The following CHAMP1 variants were observed in gnomAD, a reference collection of about 807,000 sequenced individuals.
The protein encoded by CHAMP1 is chromosome alignment-maintaining phosphoprotein 1.
Under a neutral mutation model 54.5 loss-of-function variants are expected in CHAMP1, and 4 were observed. The ratio of observed to expected loss-of-function variants is 0.07; its 90% CI spans 0.04 to 0.17. CHAMP1 has a LOEUF of 0.17. Among genes scored for constraint, CHAMP1 ranks in the 10% least tolerant of loss-of-function variants. CHAMP1 has a pLI of 1.00. For synonymous variants in CHAMP1, 368 were observed against 342.2 expected, an observed-to-expected ratio of 1.08 and a Z score of -0.83; for missense variants, 994 against 968.6, an observed-to-expected ratio of 1.03 and a Z score of -0.35.
rs530792654 is a variant in CHAMP1 at position 114,323,686 on chromosome 13, C to A, written c.-55-102C>A. On this transcript the variant is annotated intron_variant, in intron 2 of 2. Transcript: ENST00000361283. ...CCTAGAGATACTATCAAATAAAGCA[C>A]GCACTGTTCTAGACTTAAAATTATG... The A allele has an allele frequency of 6.5e-6, 6 of 917,276 alleles. No homozygotes were observed. In the East Asian group the frequency reaches 1.3e-4, roughly 21 times the overall value. 56.8% of individuals were successfully genotyped at this position (917,276 alleles called of 1,614,324 possible).
At chr13:114,322,907 T>C (rs572066289) in intron 2 of CHAMP1, 2 of 152,370 alleles carry the variant, frequency 1.3e-5, no homozygotes, top group South Asian at 2.1e-4. Context: ...TGTTTTTAAC[T>C]GTGAGCTTCT....
In CHAMP1 at chr13:114,325,309, G is replaced by T. The variant is rs1555379775; in HGVS notation, c.1467G>T (p.Gln489His). ...LWKSSFFIEP[Q>H]KPVFPETRKP... The stretch of plus-strand genomic sequence containing the variant: ...AGTCTTCCTTTTTTATTGAGCCTCA[G>T]AAACCTGTCTTCCCTGAGACCCGAA... Residue 489 changes from glutamine to histidine, a missense_variant, in exon 3 of 3, where the codon CAG becomes CAT. Around this residue, in one of 3 missense-constraint regions of CHAMP1, gnomAD observed 851 missense variants for 701.3 expected, o/e 1.21. Coordinates refer to ENST00000361283, the MANE Select transcript of CHAMP1 (RefSeq NM_032436.4). 1 of 1,614,128 alleles carries T rather than the reference G, an allele frequency of 6.2e-7. No individual in the cohort carries two copies. The highest frequency in any genetic ancestry group is 8.5e-7 in the Non-Finnish European group (1 of 1,180,026).
rs1594130707 is a variant in CHAMP1, at chr13:114,325,078, T to C, written c.1236T>C (p.Val412=). ...PTLSPEHWKA[V]PPVSPELRKP... ...TGTCTCCTGAACATTGGAAGGCAGT[T>C]CCCCCAGTGTCTCCAGAGCTTCGCA... Residue 412 remains valine (V), a synonymous_variant, in exon 3 of 3, where the codon GTT becomes GTC. Coordinates refer to ENST00000361283, the MANE Select transcript of CHAMP1 (RefSeq NM_032436.4). 2 of 1,613,982 alleles carry C rather than the reference T, an allele frequency of 1.2e-6. No homozygotes were observed. The highest frequency in any genetic ancestry group is 2.2e-5 in the East Asian group (1 of 44,880).
rs2139404019 is a variant in CHAMP1 at position 114,314,570 on chromosome 13, G to A, written c.-252G>A. 6.6e-6 allele frequency: 1 copy of A among 151,864 alleles called. No individual in the cohort carries two copies. Among genetic ancestry groups the A allele is most frequent in the African/African-American group, 2.4e-5 (1 of 41,496 alleles). 9.4% of individuals were successfully genotyped at this position (151,864 alleles called of 1,614,324 possible). On this transcript the variant is annotated 5_prime_UTR_variant, in exon 1 of 3. Coordinates refer to ENST00000361283, the MANE Select transcript of CHAMP1 (RefSeq NM_032436.4). ...AGGCCGCTGCGCTGCAGGGCCTCGC[G>A]GAGCCGCCCGCGACCGCGAGCCGGG...
rs2139419629 is a variant in CHAMP1, at chr13:114,324,725, G to C, written c.883G>C (p.Ala295Pro). 1.9e-6 allele frequency: 3 copies of C among 1,613,760 alleles called. No individual in the cohort carries two copies. Among genetic ancestry groups the C allele is most frequent in the South Asian group, 2.2e-5 (2 of 91,072 alleles). The change falls in exon 3 of 3, where the codon GCT (alanine) becomes CCT (proline). Residue 295 changes from alanine to proline, a missense_variant. Physicochemically the swap from Ala to Pro is conservative, Grantham distance 27. Around this residue, in one of 3 missense-constraint regions of CHAMP1, gnomAD observed 851 missense variants for 701.3 expected, o/e 1.21. Coordinates refer to ENST00000361283, the MANE Select transcript of CHAMP1 (RefSeq NM_032436.4). Reference sequence around the variant, plus strand: ...TCCTGAACCTTGGAAGCCGTTCCCTGCTGTCTCCCCAGAGCCTAGGAGACC... The same window carrying C: ...TCCTGAACCTTGGAAGCCGTTCCCTCCTGTCTCCCCAGAGCCTAGGAGACC... ...ESPEPWKPFP[A>P]VSPEPRRPAP...
chr13:114,315,334 G>T (rs558918235), intron 1 of CHAMP1, among the ~76,000 whole-genome samples: 1 of 152,282 alleles, frequency 6.6e-6, no homozygotes, highest in South Asian at 2.1e-4. Flanking sequence ...AAGTAGGGTG[G>T]TGCAGCAGCT....
At position 114,324,254 on chromosome 13, in the gene CHAMP1, G is replaced by C. The variant is rs781891460; in HGVS notation, c.412G>C (p.Gly138Arg). ...CCTTTCAATGGAAACACAGAAACTT[G>C]GTTCAGTTTTGTCTCCAGAATCGCC... ...PALSMETQKL[G>R]SVLSPESPKP... is the part of the protein sequence containing the mutation. Residue 138 changes from glycine (G) to arginine (R), a missense_variant, in exon 3 of 3, where the codon GGT becomes CGT. By Grantham distance (125) the Gly-to-Arg change is moderately radical. Transcript: ENST00000361283. 10 of 1,614,090 alleles carry C rather than the reference G, an allele frequency of 6.2e-6. No homozygotes were observed. The highest frequency in any genetic ancestry group is 2.2e-5 in the East Asian group (1 of 44,880).
At position 114,324,901 on chromosome 13, in the gene CHAMP1, T is replaced by C; in HGVS notation, c.1059T>C (p.Ser353=). The change falls in exon 3 of 3, where the codon TCT becomes TCC. Residue 353 remains serine (S), a synonymous_variant. Transcript: ENST00000361283. ...VSPGPWKPIP[S]VSPGPWKPTP... ...CTGGACCTTGGAAACCAATTCCTTC[T>C]GTATCTCCTGGACCTTGGAAACCAA... 1 of 1,614,200 alleles carries C rather than the reference T, an allele frequency of 6.2e-7. No individual in the cohort carries two copies. The highest frequency in any genetic ancestry group is 8.5e-7 in the Non-Finnish European group (1 of 1,180,024).
chr13:114,325,197 C>G lies in CHAMP1; in HGVS notation c.1355C>G (p.Ser452Cys). The change falls in exon 3 of 3, where the codon TCT becomes TGT. Residue 452 changes from serine to cysteine, a missense_variant. Around this residue, in one of 3 missense-constraint regions of CHAMP1, gnomAD observed 851 missense variants for 701.3 expected, o/e 1.21. Coordinates refer to ENST00000361283, the MANE Select transcript of CHAMP1 (RefSeq NM_032436.4). ...GGGTCACCAGATCTTTGGAAGCTTT[C>G]TCCTGATCAGCGGAAAACTTCTCCT... is the stretch of plus-strand genomic sequence containing the variant. ...PSGSPDLWKL[S>C]PDQRKTSPAS... is the part of the protein sequence containing the mutation. 1 of 1,614,192 alleles carries G rather than the reference C, an allele frequency of 6.2e-7. No individual in the cohort carries two copies. Among genetic ancestry groups the G allele is most frequent in the Non-Finnish European group, 8.5e-7 (1 of 1,180,034 alleles).
intron 1 of CHAMP1, among the ~76,000 whole-genome samples, chr13:114,319,144 A>G (rs1239017558): frequency 2.0e-5 from 3 of 152,184 alleles, no homozygotes; most frequent in Admixed American, 6.5e-5. Context: ...GAACCTGGAC[A>G]GATAGCAGAA....
chr13:114,324,819 A>T lies in CHAMP1; in HGVS notation c.977A>T (p.Asn326Ile). The T allele has an allele frequency of 1.2e-6, 2 of 1,613,976 alleles. No individual in the cohort carries two copies. Among genetic ancestry groups the T allele is most frequent in the East Asian group, 4.5e-5 (2 of 44,878 alleles). The change falls in exon 3 of 3, where the codon AAT (asparagine) becomes ATT (isoleucine). Residue 326 changes from asparagine to isoleucine, a missense_variant. Coordinates refer to ENST00000361283, the MANE Select transcript of CHAMP1 (RefSeq NM_032436.4). ...GGGTCCCCTAGGCCTTGGAAATCCAATCCTTCAGCATCATCAGGACCTTGG... is the reference window on the plus strand; with the variant it reads ...GGGTCCCCTAGGCCTTGGAAATCCATTCCTTCAGCATCATCAGGACCTTGG... ...PPGSPRPWKSNPSASSGPWKP... is the reference protein window; with the variant it reads ...PPGSPRPWKSIPSASSGPWKP...
intron 1 of CHAMP1, among the ~76,000 whole-genome samples, chr13:114,315,220 A>G (rs2139405058): frequency 6.6e-6 from 1 of 152,274 alleles, no homozygotes; most frequent in African/African-American, 2.4e-5. Context: ...GAAAACCACA[A>G]TGAGATACCA....
chr13:114,321,670 C>A (rs1327131705), intron 2 of CHAMP1, among the ~76,000 whole-genome samples: 4 of 152,162 alleles, frequency 2.6e-5, no homozygotes, highest in African/African-American at 9.7e-5. Flanking sequence ...CTAAAGTCTT[C>A]TAGTTTTATT....
chr13:114,320,788 C>G (rs1469109159), intron 1 of CHAMP1, among the ~76,000 whole-genome samples: 3 of 152,082 alleles, frequency 2.0e-5, no homozygotes, highest in Admixed American at 1.3e-4. Flanking sequence ...AACCCCGTCT[C>G]TACTAAAAAT....
intron 2 of CHAMP1, chr13:114,323,323 T>C (rs917188363): frequency 6.6e-6 from 1 of 152,502 alleles, no homozygotes; most frequent in African/African-American, 2.4e-5. Context: ...ATTTATTAAG[T>C]GCTTTCTGCA....
chr13:114,325,484 C>A lies in CHAMP1; in HGVS notation c.1642C>A (p.Arg548Ser). 6.2e-7 allele frequency: 1 copy of A among 1,614,162 alleles called. No homozygotes were observed. Among genetic ancestry groups the A allele is most frequent in the Non-Finnish European group, 8.5e-7 (1 of 1,180,042 alleles). Residue 548 changes from arginine (R) to serine (S), a missense_variant, in exon 3 of 3, where the codon CGT becomes AGT. Transcript: ENST00000361283. ...APPASPEARKRALFPEPRKHA... is the reference protein window; with the variant it reads ...APPASPEARKSALFPEPRKHA... ...TCCTGCTTCTCCAGAAGCACGCAAACGTGCCCTTTTTCCAGAGCCCCGGAA... is the reference window on the plus strand; with the variant it reads ...TCCTGCTTCTCCAGAAGCACGCAAAAGTGCCCTTTTTCCAGAGCCCCGGAA...
intron 1 of CHAMP1, among the ~76,000 whole-genome samples, chr13:114,316,542 A>T (rs1042036027): frequency 2.0e-5 from 3 of 151,440 alleles, no homozygotes; most frequent in Admixed American, 2.0e-4. Context: ...GTGAGCCGAG[A>T]TTGCGCCATT....
chr13:114,322,915 T>G (rs148907050), intron 2 of CHAMP1: 5 of 152,346 alleles, frequency 3.3e-5, no homozygotes, highest in African/African-American at 1.2e-4. Flanking sequence ...ACTGTGAGCT[T>G]CTATTCCCTT....
intron 1 of CHAMP1, among the ~76,000 whole-genome samples, chr13:114,320,828 C>T (rs998464281): frequency 5.1e-4 from 77 of 151,840 alleles, no homozygotes; most frequent in Admixed American, 1.0e-3. Context: ...TGGTGGCGGG[C>T]GCCTGTAGTC....
Sources: allele counts gnomAD v4.1 joint callset (sites outside exome capture counted in the v4.1 genomes callset), GRCh38; gene constraint gnomAD v4.1.1; regional missense constraint gnomAD v4.1.1; transcripts MANE v1.5; gene names NCBI Gene and HGNC (gene_info 2026-07-23, HGNC 2026-07-21).